The following SLC38A8 variants were observed in gnomAD, a reference collection of about 807,000 sequenced individuals.
SLC38A8 encodes amino acid transporter SLC38A8.
A neutral mutation model predicts 46.0 loss-of-function variants in SLC38A8; 65 were observed. The ratio of observed to expected loss-of-function variants is 1.41; its 90% CI spans 1.16 to 1.74. SLC38A8 has a LOEUF of 1.74. SLC38A8 is among the 40% of genes most tolerant of loss of function. SLC38A8 has a pLI of 0.00. For missense variants in SLC38A8, 998 were observed against 567.9 expected (o/e 1.76, Z -7.70); for synonymous variants, 447 against 243.7 (o/e 1.83, Z -7.77).
At chr16:84,035,421 A>T (rs1482098380) in intron 3 of SLC38A8, among the ~76,000 whole-genome samples, 1 of 152,220 alleles carries the variant, frequency 6.6e-6, no homozygotes, top group Non-Finnish European at 1.5e-5. Flanking sequence ...GCAAAATGGT[A>T]CACTAAATTT....
chr16:84,024,457 G>A (rs1009094824), intron 6 of SLC38A8, among the ~76,000 whole-genome samples: 1 of 151,988 alleles, frequency 6.6e-6, no homozygotes, highest in Non-Finnish European at 1.5e-5. Context: ...GAGATTACAA[G>A]TACGAGCCAC....
intron 2 of SLC38A8, among the ~76,000 whole-genome samples, chr16:84,037,367 G>A (rs1356235739): frequency 6.6e-6 from 1 of 150,774 alleles, no homozygotes; most frequent in African/African-American, 2.4e-5. Context: ...TTCCATCTGT[G>A]AAATGGGGGC....
At chr16:84,018,963 G>A (rs1395325596) in intron 7 of SLC38A8, among the ~76,000 whole-genome samples, 1 of 152,088 alleles carries the variant, frequency 6.6e-6, no homozygotes, top group Non-Finnish European at 1.5e-5. Context: ...CAGTGATGAG[G>A]ACTATTTTCT....
At chr16:84,027,410 A>G (rs1030943404) in intron 6 of SLC38A8, among the ~76,000 whole-genome samples, 5 of 152,306 alleles carry the variant, frequency 3.3e-5, no homozygotes, top group Middle Eastern at 3.4e-3. Flanking sequence ...GTCCTGGTGT[A>G]GCCGCATTGG....
intron 6 of SLC38A8, among the ~76,000 whole-genome samples, chr16:84,028,939 T>C (rs2085202092): frequency 6.6e-6 from 1 of 152,126 alleles, no homozygotes; most frequent in Non-Finnish European, 1.5e-5. Context: ...TCTACACATA[T>C]AGCCCCGTCC....
In SLC38A8 at chr16:84,029,399, C is replaced by T. The variant is rs550746787; in HGVS notation, c.690+95G>A. On this transcript the variant is annotated intron_variant, in intron 6 of 10. Coordinates refer to ENST00000299709, the MANE Select transcript of SLC38A8 (RefSeq NM_001080442.3). ...TATCCTAGGAGAAGTCCTCAGACGCCTCCCTGACAGAGAAACCAAGGTTTC... is the reference window on the plus strand; with the variant it reads ...TATCCTAGGAGAAGTCCTCAGACGCTTCCCTGACAGAGAAACCAAGGTTTC... 115 of 1,363,766 alleles carry T rather than the reference C, an allele frequency of 8.4e-5. 2 individuals are homozygous for T. In the South Asian group the frequency reaches 1.3e-3, roughly 16 times the overall value. 84.5% of individuals were successfully genotyped at this position (1,363,766 alleles called of 1,614,324 possible). A position where few individuals can be genotyped will look rare whatever the true frequency, so the allele number is the denominator to read the frequency against.
intron 6 of SLC38A8, among the ~76,000 whole-genome samples, chr16:84,025,542 G>A (rs1471679913): frequency 3.9e-5 from 6 of 152,154 alleles, no homozygotes; most frequent in African/African-American, 1.4e-4. Flanking sequence ...GCGTTGCTCA[G>A]GGCTCTGAGC....
intron 2 of SLC38A8, 37 bp downstream of exon 2, chr16:84,041,932 C>A (rs779798565): frequency 2.6e-6 from 4 of 1,529,258 alleles, no homozygotes; most frequent in Admixed American, 2.1e-5. Flanking sequence ...AAAGCCACCT[C>A]GTACCCGTCC....
rs2085307748 is a variant in SLC38A8, at chr16:84,036,959, C to G, written c.190-59G>C. The G allele has an allele frequency of 1.2e-5, 18 of 1,493,690 alleles. No homozygotes were observed. The South Asian group carries it at 1.9e-4, about 16-fold the overall frequency. The allele number at this position is 1,493,690 out of a possible 1,614,324, so 92.5% of individuals were successfully genotyped here. On this transcript the variant is annotated intron_variant, in intron 2 of 10. Transcript: ENST00000299709. ...GTGCCCACAGCCCACCCACCCCCAG[C>G]CAGCCACCCCTCGGGCACACTCTCC...
At chr16:84,016,330 T>C (rs1245757875) in intron 9 of SLC38A8, among the ~76,000 whole-genome samples, 189 bp downstream of exon 9, 1 of 152,144 alleles carries the variant, frequency 6.6e-6, no homozygotes, top group Non-Finnish European at 1.5e-5. Flanking sequence ...AGATGTTTAA[T>C]GAGTGAGGGA....
At chr16:84,018,259 G>A (rs2085055515) in intron 7 of SLC38A8, among the ~76,000 whole-genome samples, 1 of 118,742 alleles carries the variant, frequency 8.4e-6, no homozygotes, top group African/African-American at 3.3e-5. Context: ...TTGAGACAGA[G>A]TCTCTCTCTG....
intron 6 of SLC38A8, 47 bp from the exon 7 acceptor site, chr16:84,022,936 C>A: frequency 2.1e-6 from 3 of 1,423,610 alleles, no homozygotes; most frequent in Admixed American, 2.7e-5. Flanking sequence ...TCCCCTGGAA[C>A]AGGCGATGCG....
At chr16:84,012,235 C>G (rs967059607) in intron 10 of SLC38A8, among the ~76,000 whole-genome samples, 2 of 152,238 alleles carry the variant, frequency 1.3e-5, no homozygotes, top group African/African-American at 2.4e-5. Context: ...ACCCAGAACC[C>G]CAGACTACCC....
intron 7 of SLC38A8, among the ~76,000 whole-genome samples, chr16:84,021,984 C>T (rs1484170905): frequency 6.6e-6 from 1 of 152,194 alleles, no homozygotes; most frequent in Non-Finnish European, 1.5e-5. Context: ...CCATGATAAC[C>T]TATTAATCCA....
intron 7 of SLC38A8, among the ~76,000 whole-genome samples, chr16:84,022,061 G>T (rs2085102050): frequency 6.6e-6 from 1 of 152,156 alleles, no homozygotes; most frequent in Non-Finnish European, 1.5e-5. Flanking sequence ...CCTCTTGAAG[G>T]CCCCACGTCT....
intron 6 of SLC38A8, among the ~76,000 whole-genome samples, chr16:84,028,616 C>G (rs2085196046): frequency 6.6e-6 from 1 of 151,756 alleles, no homozygotes; most frequent in Non-Finnish European, 1.5e-5. Flanking sequence ...CTGCTTCCAC[C>G]TGCTAGGAGG....
chr16:84,016,076 C>G lies in SLC38A8; in HGVS notation c.1162+443G>C, dbSNP rs180818700. 1.8e-4 allele frequency among the ~76,000 whole-genome samples: 25 copies of G among 136,808 alleles called. No individual in the cohort carries two copies. The East Asian group carries it at 2.7e-3, about 15-fold the overall frequency. 89.8% of individuals were successfully genotyped at this position (136,808 alleles called of 152,430 possible). A position where few individuals can be genotyped will look rare whatever the true frequency, so the allele number is the denominator to read the frequency against. ...ATCATGGCAAAAGGCAAATAAGGAG[C>G]AAAGTCACGTCTTACATGGTGGCAG... is the stretch of plus-strand genomic sequence containing the variant. On this transcript the variant is annotated intron_variant, in intron 9 of 10. Coordinates refer to ENST00000299709, the MANE Select transcript of SLC38A8 (RefSeq NM_001080442.3).
chr16:84,019,084 A>T lies in SLC38A8; in HGVS notation c.806-1797T>A, dbSNP rs554063780. On this transcript the variant is annotated intron_variant, in intron 7 of 10. Transcript: ENST00000299709. The stretch of plus-strand genomic sequence containing the variant: ...TGAAACTACAATTTCTCCAAAAAAA[A>T]TTTTTTTTTTTTTTGAGATGGAGTC... Among the ~76,000 whole-genome samples, 47 of 147,738 alleles carry T rather than the reference A, an allele frequency of 3.2e-4. 2 individuals carry two copies. The highest frequency in any genetic ancestry group is 9.1e-4 in the African/African-American group (37 of 40,602).
intron 10 of SLC38A8, among the ~76,000 whole-genome samples, chr16:84,011,916 C>A (rs547813678): frequency 6.7e-4 from 102 of 152,208 alleles, no homozygotes; most frequent in Non-Finnish European, 1.3e-3. Flanking sequence ...AGAGGGATTT[C>A]TGAGACGCAG....
Sources: allele counts gnomAD v4.1 joint callset (sites outside exome capture counted in the v4.1 genomes callset), GRCh38; gene constraint gnomAD v4.1.1; transcripts MANE v1.5; gene names NCBI Gene and HGNC (gene_info 2026-07-23, HGNC 2026-07-21).